The following VPS54 variants were observed in gnomAD, a reference collection of about 807,000 sequenced individuals.
VPS54 encodes the protein VPS54 subunit of GARP complex, also known as vacuolar protein sorting-associated protein 54.
In VPS54, 45 loss-of-function variants were observed where a neutral mutation model predicts 121.5. The observed-to-expected ratio is 0.37, with a 90% CI of 0.29 to 0.47. The LOEUF (loss-of-function observed/expected upper bound fraction) is 0.47. Ranked by LOEUF, VPS54 falls within the 20% of genes least tolerant of loss-of-function variation. The pLI is 0.99. For synonymous variants in VPS54, 371 were observed against 385.8 expected, an observed-to-expected ratio of 0.96 and a Z score of 0.45; for missense variants, 1,090 against 1,131.4, an observed-to-expected ratio of 0.96 and a Z score of 0.52.
intron 1 of VPS54, among the ~76,000 whole-genome samples, chr2:63,997,147 A>G (rs1321455157): frequency 6.6e-6 from 1 of 152,114 alleles, no homozygotes; most frequent in Non-Finnish European, 1.5e-5. Context: ...CCCCCGTTAG[A>G]CATAGGCCTG....
intron 1 of VPS54, among the ~76,000 whole-genome samples, chr2:64,018,453 A>C (rs1678815215): frequency 6.6e-6 from 1 of 152,222 alleles, no homozygotes; most frequent in African/African-American, 2.4e-5. Flanking sequence ...ATTATTGCAC[A>C]AATTATTTCA....
intron 1 of VPS54, among the ~76,000 whole-genome samples, chr2:63,992,307 G>C (rs1576000194): frequency 6.6e-6 from 1 of 152,176 alleles, no homozygotes; most frequent in Non-Finnish European, 1.5e-5. Context: ...AAAGTTTGAG[G>C]GTTTAGTAGA....
chr2:63,904,165 C>T (rs984119987), intron 20 of VPS54, among the ~76,000 whole-genome samples: 26 of 152,052 alleles, frequency 1.7e-4, no homozygotes, highest in Admixed American at 7.2e-4. Context: ...ACAGGCCGGA[C>T]GTGGTGGCTC....
At chr2:63,900,763 T>G (rs1558977563) in intron 20 of VPS54, among the ~76,000 whole-genome samples, 1 of 151,758 alleles carries the variant, frequency 6.6e-6, no homozygotes, top group Non-Finnish European at 1.5e-5. Context: ...TTTTTTTTGT[T>G]TGTTTTTTTT....
intron 3 of VPS54, among the ~76,000 whole-genome samples, chr2:63,981,439 A>C (rs535103058): frequency 6.6e-6 from 1 of 152,164 alleles, no homozygotes; most frequent in Non-Finnish European, 1.5e-5. Flanking sequence ...GGAATGTGTA[A>C]TTCTGAAAAA....
chr2:63,992,365 G>C (rs1677368322), intron 1 of VPS54, among the ~76,000 whole-genome samples: 2 of 152,200 alleles, frequency 1.3e-5, no homozygotes, highest in Non-Finnish European at 2.9e-5. Context: ...AGTACTCCCA[G>C]TCAGCATATG....
chr2:63,996,532 A>T (rs1357251817), intron 1 of VPS54, among the ~76,000 whole-genome samples: 2 of 152,210 alleles, frequency 1.3e-5, no homozygotes. Context: ...GGAACAAGGG[A>T]GATAACCATT....
At chr2:63,975,239 A>G in intron 3 of VPS54, 1 of 457,020 alleles carries the variant, frequency 2.2e-6, no homozygotes, top group Non-Finnish European at 3.9e-6. Flanking sequence ...AACCAACTCC[A>G]TCTTGCTTCT....
At position 63,912,667 on chromosome 2, in the gene VPS54, G is replaced by C; in HGVS notation, c.2423-6C>G. On this transcript the variant is annotated splice_polypyrimidine_tract_variant and splice_region_variant and intron_variant, in intron 18 of 22. Coordinates refer to ENST00000272322, the MANE Select transcript of VPS54 (RefSeq NM_016516.3). ...CAAACATCGTGAAGAAAGAGCTGAAGATCCAGGGAGTAGATATATAATGGA... is the reference window on the plus strand; with the variant it reads ...CAAACATCGTGAAGAAAGAGCTGAACATCCAGGGAGTAGATATATAATGGA... 2 of 1,559,578 alleles carry C rather than the reference G, an allele frequency of 1.3e-6. No individual in the cohort carries two copies. Among genetic ancestry groups the C allele is most frequent in the East Asian group, 2.4e-5 (1 of 42,298 alleles).
At chr2:63,917,627 C>G (rs978099839) in intron 15 of VPS54, among the ~76,000 whole-genome samples, 4 of 151,888 alleles carry the variant, frequency 2.6e-5, no homozygotes, top group African/African-American at 9.7e-5. Context: ...CTTCAAATCC[C>G]TTTAGGATTT....
chr2:64,006,727 T>G (rs1435759712), intron 1 of VPS54, among the ~76,000 whole-genome samples: 1 of 152,186 alleles, frequency 6.6e-6, no homozygotes, highest in Non-Finnish European at 1.5e-5. Context: ...CAAGCCATTC[T>G]CCTGCCTCAG....
chr2:63,970,208 TATATACAC>T lies in VPS54; in HGVS notation c.458-1225_458-1218del, dbSNP rs1483262141. On this transcript the variant is annotated intron_variant, in intron 4 of 22. Transcript: ENST00000272322. ...TTCTTTCCCATTAAAAAAAAATATATATATACACACACACACACACACACACACATTCT... is the reference window on the plus strand; with the variant it reads ...TTCTTTCCCATTAAAAAAAAATATATACACACACACACACACACACATTCT... Among the ~76,000 whole-genome samples, 14 of 97,682 alleles carry T rather than the reference TATATACAC, an allele frequency of 1.4e-4. 1 individual carries two copies. Among genetic ancestry groups the T allele is most frequent in the Admixed American group, 5.0e-4 (5 of 9,994 alleles). 64.1% of individuals were successfully genotyped at this position (97,682 alleles called of 152,430 possible).
intron 3 of VPS54, chr2:63,974,925 T>C: frequency 1.4e-6 from 2 of 1,454,814 alleles, no homozygotes; most frequent in Non-Finnish European, 1.8e-6. Context: ...CCTTTTCTTA[T>C]TACATTAGTT....
chr2:63,995,859 TAAATA>T (rs1553484629), intron 1 of VPS54, among the ~76,000 whole-genome samples: 1 of 152,214 alleles, frequency 6.6e-6, no homozygotes, highest in African/African-American at 2.4e-5. Context: ...ATGACTAAAT[TAAATA>T]AACAAATTTT....
chr2:63,973,991 G>T (rs1212457017), intron 3 of VPS54, among the ~76,000 whole-genome samples: 1 of 151,968 alleles, frequency 6.6e-6, no homozygotes, highest in African/African-American at 2.4e-5. Context: ...TTCATGGATT[G>T]TGCTTTTCTT....
Position 63,893,199 on chromosome 2 carries a change from A to G in VPS54, c.*231T>C. On this transcript the variant is annotated 3_prime_UTR_variant, in exon 23 of 23. Coordinates refer to ENST00000272322, the MANE Select transcript of VPS54 (RefSeq NM_016516.3). ...AGTCTGTTTCCAGAGAGAATGAAAA[A>G]TGTTATAGACACCTGATCAGTTACT... 1.8e-6 allele frequency: 1 copy of G among 567,738 alleles called. No homozygotes were observed. Among genetic ancestry groups the G allele is most frequent in the Non-Finnish European group, 3.2e-6 (1 of 314,646 alleles). The allele number at this position is 567,738 out of a possible 1,614,324, so 35.2% of individuals were successfully genotyped here. A position where few individuals can be genotyped will look rare whatever the true frequency, so the allele number is the denominator to read the frequency against.
Position 63,933,873 on chromosome 2 carries a change from A to G in VPS54, c.1539T>C (p.His513=). 2 of 1,613,830 alleles carry G rather than the reference A, an allele frequency of 1.2e-6. No homozygotes were observed. Among genetic ancestry groups the G allele is most frequent in the Non-Finnish European group, 1.7e-6 (2 of 1,179,852 alleles). ...ATGCATCACTTATAAACATGCCTTC[A>G]TGGATTAAATAAGCCACCTCTGTGT... ...SLDTEVAYLI[H]EGMFISDAFG... Residue 513 remains histidine, a synonymous_variant, in exon 12 of 23, where the codon CAT becomes CAC. Coordinates refer to ENST00000272322, the MANE Select transcript of VPS54 (RefSeq NM_016516.3).
At position 63,968,976 on chromosome 2, in the gene VPS54, T is replaced by G; in HGVS notation, c.473A>C (p.Asp158Ala). The part of the protein sequence containing the change: ...LLHTHDKSRT[D>A]LEQVPKIFMK... ...TGTTACCTTAGGTACTTGCTCCAGA[T>G]CTGTCCTGGATTTATCTATTTAAAA... The change falls in exon 5 of 23, where the codon GAT becomes GCT. Residue 158 changes from aspartate (D) to alanine (A), a missense_variant. Physicochemically the swap from Asp to Ala is moderately radical, Grantham distance 126 (BLOSUM62 -2). Around this residue, in one of 2 missense-constraint regions of VPS54, gnomAD observed 801 missense variants for 757.0 expected, o/e 1.06. Transcript: ENST00000272322. 1 of 1,605,430 alleles carries G rather than the reference T, an allele frequency of 6.2e-7. No homozygotes were observed. Among genetic ancestry groups the G allele is most frequent in the South Asian group, 1.1e-5 (1 of 89,556 alleles).
At chr2:63,905,063 A>T (rs1033906541) in intron 20 of VPS54, among the ~76,000 whole-genome samples, 2 of 152,228 alleles carry the variant, frequency 1.3e-5, no homozygotes, top group Admixed American at 1.3e-4. Flanking sequence ...ACATAAAGGA[A>T]AACACAGATT....
Sources: allele counts gnomAD v4.1 joint callset (sites outside exome capture counted in the v4.1 genomes callset), GRCh38; gene constraint gnomAD v4.1.1; regional missense constraint gnomAD v4.1.1; transcripts MANE v1.5; gene names NCBI Gene and HGNC (gene_info 2026-07-23, HGNC 2026-07-21).